MRPL1: variants seen among roughly 807,000 people sequenced by gnomAD.
MRPL1 encodes the protein large ribosomal subunit protein uL1m.
A neutral mutation model predicts 38.0 loss-of-function variants in MRPL1; 28 were observed. The observed-to-expected ratio is 0.74, with a 90% CI of 0.55 to 1.01. The LOEUF is 1.01. MRPL1 is among the 50% of genes least tolerant of loss of function. The pLI, the probability that MRPL1 is intolerant of heterozygous loss-of-function variation, is 0.00. For missense variants in MRPL1, 358 were observed against 389.8 expected, an observed-to-expected ratio of 0.92 and a Z score of 0.69; for synonymous variants, 123 against 126.7, an observed-to-expected ratio of 0.97 and a Z score of 0.20.
At chr4:77,934,951 A>C (rs1736931139) in intron 7 of MRPL1, among the ~76,000 whole-genome samples, 1 of 152,244 alleles carries the variant, frequency 6.6e-6, no homozygotes, top group Admixed American at 6.5e-5. Flanking sequence ...GTATCATTCC[A>C]CTTGTATAAG....
intron 7 of MRPL1, among the ~76,000 whole-genome samples, chr4:77,935,080 A>G (rs1245892570): frequency 1.3e-5 from 2 of 152,164 alleles, no homozygotes; most frequent in African/African-American, 2.4e-5. Context: ...TTTTGTTTAT[A>G]TGACATTTTC....
At chr4:77,925,992 C>T (rs1350949745) in intron 7 of MRPL1, among the ~76,000 whole-genome samples, 1 of 152,032 alleles carries the variant, frequency 6.6e-6, no homozygotes, top group African/African-American at 2.4e-5. Context: ...GTTTGAACAC[C>T]ACAGTGGTAA....
At chr4:77,902,512 A>C (rs573564030) in intron 6 of MRPL1, among the ~76,000 whole-genome samples, 19 of 152,178 alleles carry the variant, frequency 1.2e-4, no homozygotes, top group Non-Finnish European at 7.3e-5. Flanking sequence ...GGAAGAAAAA[A>C]TAATAAAGAA....
chr4:77,905,405 G>A (rs1475475729), intron 6 of MRPL1, among the ~76,000 whole-genome samples: 1 of 147,320 alleles, frequency 6.8e-6, no homozygotes, highest in Non-Finnish European at 1.5e-5. Flanking sequence ...GCTGAGGCAG[G>A]AGAATTGCCT....
At position 77,885,278 on chromosome 4, in the gene MRPL1, G is replaced by C. The variant is rs1735648590; in HGVS notation, c.425G>C (p.Ser142Thr). 8.7e-6 allele frequency: 14 copies of C among 1,613,824 alleles called. No individual in the cohort carries two copies. The highest frequency in any genetic ancestry group is 1.3e-5 in the African/African-American group (1 of 75,022). ...TAGAAAAACGTGGAGCCATTTACCA[G>C]TGTTCTTAGTTTGCCATACCCATTT... ...GKKKNVEPFT[S>T]VLSLPYPFAS... The change falls in exon 4 of 9, where the codon AGT becomes ACT. Residue 142 changes from serine (S) to threonine (T), a missense_variant. Ser to Thr is a moderately conservative substitution (Grantham distance 58). Coordinates refer to ENST00000315567, the MANE Select transcript of MRPL1 (RefSeq NM_020236.4).
At chr4:77,942,197 T>G (rs997072467) in intron 7 of MRPL1, among the ~76,000 whole-genome samples, 3 of 152,192 alleles carry the variant, frequency 2.0e-5, no homozygotes, top group Non-Finnish European at 4.4e-5. Flanking sequence ...GGAGTTGATT[T>G]CTACTTTTAT....
intron 2 of MRPL1, among the ~76,000 whole-genome samples, chr4:77,878,843 C>G (rs1735463061): frequency 6.6e-6 from 1 of 152,114 alleles, no homozygotes; most frequent in South Asian, 2.1e-4. Context: ...CGCACCACTG[C>G]ACTCCAGTCT....
intron 7 of MRPL1, among the ~76,000 whole-genome samples, chr4:77,915,187 T>C (rs1736391944): frequency 6.6e-6 from 1 of 152,240 alleles, no homozygotes; most frequent in Non-Finnish European, 1.5e-5. Context: ...ATTTCTAGTA[T>C]TGATGTAATA....
intron 1 of MRPL1, among the ~76,000 whole-genome samples, chr4:77,867,746 C>CTTTTTTTTT (rs71214374): frequency 1.1e-5 from 1 of 92,038 alleles, no homozygotes; most frequent in Non-Finnish European, 2.1e-5. Context: ...ATAGTTATTT[C>CTTTTTTTTT]TTTTTTTTTT....
chr4:77,940,305 C>T (rs1368210847), intron 7 of MRPL1, among the ~76,000 whole-genome samples: 1 of 151,950 alleles, frequency 6.6e-6, no homozygotes, highest in African/African-American at 2.4e-5. Context: ...TTTTTTGGAG[C>T]TATTGTAAAG....
intron 7 of MRPL1, among the ~76,000 whole-genome samples, chr4:77,946,209 C>A (rs1291548113): frequency 6.6e-6 from 1 of 152,096 alleles, no homozygotes; most frequent in East Asian, 1.9e-4. Context: ...CGATATTGTT[C>A]CTACTTGCAC....
At chr4:77,868,216 C>A (rs1735199908) in intron 1 of MRPL1, among the ~76,000 whole-genome samples, 1 of 151,898 alleles carries the variant, frequency 6.6e-6, no homozygotes, top group Admixed American at 6.6e-5. Context: ...GCACGTGTCA[C>A]CATGCCCAGC....
At chr4:77,918,779 C>T (rs1007302590) in intron 7 of MRPL1, among the ~76,000 whole-genome samples, 1 of 152,002 alleles carries the variant, frequency 6.6e-6, no homozygotes, top group African/African-American at 2.4e-5. Context: ...GTTGTTATAT[C>T]CCCAACTCCT....
intron 7 of MRPL1, among the ~76,000 whole-genome samples, chr4:77,914,720 T>TGC (rs1167929856): frequency 1.4e-5 from 2 of 141,878 alleles, no homozygotes; most frequent in African/African-American, 5.8e-5. Flanking sequence ...TGTGTGTGTG[T>TGC]GTGTGTGTGT....
chr4:77,887,831 A>G (rs917177281), intron 5 of MRPL1, among the ~76,000 whole-genome samples: 1 of 152,076 alleles, frequency 6.6e-6, no homozygotes, highest in Non-Finnish European at 1.5e-5. Flanking sequence ...AGACAGTCTG[A>G]TATTGATTAT....
In MRPL1 at chr4:77,864,960, G is replaced by C. The variant is rs1460718716; in HGVS notation, c.31+2081G>C. 3.4e-5 allele frequency among the ~76,000 whole-genome samples: 5 copies of C among 145,516 alleles called. No individual in the cohort carries two copies. In the East Asian group the frequency reaches 1.0e-3, roughly 29 times the overall value. On this transcript the variant is annotated intron_variant, in intron 1 of 8. Transcript: ENST00000315567. ...GGCTGGAGTGCAGTGGCACGATCTT[G>C]GCTCATGCAACCTCTGCCTCCCGGG...
intron 1 of MRPL1, among the ~76,000 whole-genome samples, chr4:77,870,518 G>A (rs1391610276): frequency 6.6e-6 from 1 of 152,160 alleles, no homozygotes; most frequent in Non-Finnish European, 1.5e-5. Context: ...AATCTCATCT[G>A]CATCTCATGT....
At chr4:77,887,970 C>T (rs1239286042) in intron 5 of MRPL1, among the ~76,000 whole-genome samples, 4 of 152,076 alleles carry the variant, frequency 2.6e-5, no homozygotes, top group Non-Finnish European at 4.4e-5. Flanking sequence ...AAATGAAATC[C>T]ACAAGGTCGC....
At chr4:77,923,098 CTATT>C (rs926820450) in intron 7 of MRPL1, among the ~76,000 whole-genome samples, 1 of 151,970 alleles carries the variant, frequency 6.6e-6, no homozygotes, top group Non-Finnish European at 1.5e-5. Flanking sequence ...TGTTATTTAT[CTATT>C]TATTTATTTT....
Sources: allele counts gnomAD v4.1 joint callset (sites outside exome capture counted in the v4.1 genomes callset), GRCh38; gene constraint gnomAD v4.1.1; transcripts MANE v1.5; gene names NCBI Gene and HGNC (gene_info 2026-07-23, HGNC 2026-07-21).